Variants in EXOC2 observed in about 807,000 individuals in gnomAD.
The protein encoded by EXOC2 is SEC5-like 1.
Under a neutral mutation model 131.8 loss-of-function variants are expected in EXOC2, and 70 were observed. The ratio of observed to expected loss-of-function variants is 0.53; its 90% CI spans 0.44 to 0.65. The LOEUF (loss-of-function observed/expected upper bound fraction) is 0.65, where lower values mean the gene tolerates loss of function less well. Ranked by LOEUF, EXOC2 falls within the 30% of genes least tolerant of loss-of-function variation. The pLI is 0.00. For missense variants in EXOC2, 923 were observed against 1,108.6 expected, an observed-to-expected ratio of 0.83 and a Z score of 2.38; for synonymous variants, 411 against 398.4, an observed-to-expected ratio of 1.03 and a Z score of -0.38.
chr6:495,287 G>A (rs1043452078), intron 25 of EXOC2, among the ~76,000 whole-genome samples: 9 of 151,642 alleles, frequency 5.9e-5, no homozygotes, highest in Non-Finnish European at 7.4e-5. Context: ...CACCGCGCCC[G>A]GCTAATTTTT....
chr6:593,994 C>T (rs1397395622), intron 10 of EXOC2, among the ~76,000 whole-genome samples: 1 of 152,198 alleles, frequency 6.6e-6, no homozygotes. Flanking sequence ...CATCTGCAGA[C>T]GGGCCACACT....
At chr6:643,675 G>C (rs753216806) in intron 1 of EXOC2, among the ~76,000 whole-genome samples, 3 of 151,620 alleles carry the variant, frequency 2.0e-5, no homozygotes, top group South Asian at 2.1e-4. Context: ...GGCAGGAAAA[G>C]GAAGCAGAAT....
Position 532,622 on chromosome 6 carries a change from T to C in EXOC2, c.2239-12A>G, listed in dbSNP as rs1406168174. Reference sequence around the variant, plus strand: ...GAGGCCATGCTAACCTATAAACACATAATGAAGAGTATGAGTTGCCTATTT... The same window carrying C: ...GAGGCCATGCTAACCTATAAACACACAATGAAGAGTATGAGTTGCCTATTT... On this transcript the variant is annotated splice_polypyrimidine_tract_variant and intron_variant, in intron 22 of 27. Transcript: ENST00000230449. 2.0e-6 allele frequency: 3 copies of C among 1,503,854 alleles called. No individual in the cohort carries two copies. Among genetic ancestry groups the C allele is most frequent in the Middle Eastern group, 1.8e-4 (1 of 5,712 alleles). The allele number at this position is 1,503,854 out of a possible 1,614,324, so 93.2% of individuals were successfully genotyped here.
chr6:660,669 C>G (rs374725393), intron 1 of EXOC2, among the ~76,000 whole-genome samples: 53 of 152,162 alleles, frequency 3.5e-4, no homozygotes, highest in African/African-American at 1.2e-3. Context: ...AGCCCTAGAC[C>G]TTCCCTCTGA....
intron 1 of EXOC2, among the ~76,000 whole-genome samples, chr6:662,669 A>G (rs1276136056): frequency 1.3e-5 from 2 of 152,210 alleles, no homozygotes; most frequent in Non-Finnish European, 2.9e-5. Flanking sequence ...CCATGAGGAA[A>G]GTTCATAGCC....
At chr6:583,309 T>C (rs1251767970) in intron 11 of EXOC2, among the ~76,000 whole-genome samples, 2 of 152,198 alleles carry the variant, frequency 1.3e-5, no homozygotes, top group Non-Finnish European at 2.9e-5. Context: ...AGTTTAGACA[T>C]GAAATGACTT....
intron 23 of EXOC2, among the ~76,000 whole-genome samples, chr6:516,693 C>A (rs1031522533): frequency 1.3e-5 from 2 of 152,196 alleles, no homozygotes; most frequent in African/African-American, 4.8e-5. Flanking sequence ...GTAGCATCTA[C>A]GCAAGTATCT....
chr6:497,439 T>C lies in EXOC2; in HGVS notation c.2487A>G (p.Ile829Met), dbSNP rs898106928. 13 of 1,613,992 alleles carry C rather than the reference T, an allele frequency of 8.1e-6. No homozygotes were observed. Among genetic ancestry groups the C allele is most frequent in the African/African-American group, 1.3e-5 (1 of 74,950 alleles). Residue 829 changes from isoleucine (I) to methionine (M), a missense_variant, in exon 25 of 28, where the codon ATA becomes ATG. Transcript: ENST00000230449. Reference sequence around the variant, plus strand: ...GACTGAGCTCTTCAGAAACTGCTTCTATCACCTTGGATAGTACCCGAGGGA... The same window carrying C: ...GACTGAGCTCTTCAGAAACTGCTTCCATCACCTTGGATAGTACCCGAGGGA... ...ELVPRVLSKV[I>M]EAVSEELSRL...
At chr6:532,754 G>A (rs1766164294) in intron 22 of EXOC2, 144 bp from the exon 23 acceptor site, 1 of 750,600 alleles carries the variant, frequency 1.3e-6, no homozygotes, top group Non-Finnish European at 1.9e-6. Context: ...TATATTTTCA[G>A]TAACAAAGAT....
chr6:609,567 CA>C (rs1760609751), intron 7 of EXOC2, among the ~76,000 whole-genome samples: 2 of 152,190 alleles, frequency 1.3e-5, no homozygotes, highest in Admixed American at 1.3e-4. Flanking sequence ...TGCACATAGC[CA>C]TTTTCCCTGG....
intron 23 of EXOC2, among the ~76,000 whole-genome samples, chr6:500,735 T>C (rs1196921265): frequency 1.3e-5 from 2 of 152,194 alleles, no homozygotes; most frequent in East Asian, 1.9e-4. Flanking sequence ...TGAGAACATC[T>C]CCTCTATAGA....
intron 1 of EXOC2, among the ~76,000 whole-genome samples, chr6:671,134 A>G (rs750271738): frequency 6.6e-6 from 1 of 151,802 alleles, no homozygotes; most frequent in Admixed American, 6.6e-5. Flanking sequence ...AGGCAGGCAA[A>G]TCACTTGAGG....
At chr6:689,204 C>CT (rs1764803276) in intron 1 of EXOC2, 1 of 152,086 alleles carries the variant, frequency 6.6e-6, no homozygotes, top group Non-Finnish European at 1.5e-5. Flanking sequence ...TTATTGGCAC[C>CT]AAGATTTACT....
At chr6:525,391 T>A (rs1379188882) in intron 23 of EXOC2, 1 of 152,200 alleles carries the variant, frequency 6.6e-6, no homozygotes, top group African/African-American at 2.4e-5. Flanking sequence ...TGAGTGTTCT[T>A]GCAATGACTA....
At chr6:534,852 G>C (rs1159817914) in intron 22 of EXOC2, among the ~76,000 whole-genome samples, 5 of 152,146 alleles carry the variant, frequency 3.3e-5, no homozygotes, top group African/African-American at 7.2e-5. Context: ...AACCGAAATA[G>C]ATGATTAGAG....
chr6:583,379 G>T lies in EXOC2; in HGVS notation c.1193-6497C>A, dbSNP rs186525334. On this transcript the variant is annotated intron_variant, in intron 11 of 27. Transcript: ENST00000230449. Reference sequence around the variant, plus strand: ...AAGCCAGGGCAGTGGAAAAGAACCAGCTGCTACAATCACAAATTGACAAGG... The same window carrying T: ...AAGCCAGGGCAGTGGAAAAGAACCATCTGCTACAATCACAAATTGACAAGG... Among the ~76,000 whole-genome samples, 289 of 152,284 alleles carry T rather than the reference G, an allele frequency of 1.9e-3. 1 individual carries two copies. The highest frequency in any genetic ancestry group is 3.1e-3 in the South Asian group (15 of 4,824).
At chr6:556,639 A>G in intron 17 of EXOC2, 75 bp from the exon 18 acceptor site, 5 of 1,495,224 alleles carry the variant, frequency 3.3e-6, no homozygotes, top group Non-Finnish European at 3.7e-6. Flanking sequence ...ACAAGCGAAT[A>G]TGGCCCCAAG....
At chr6:540,268 A>C (rs1766733195) in intron 22 of EXOC2, among the ~76,000 whole-genome samples, 2 of 152,170 alleles carry the variant, frequency 1.3e-5, no homozygotes, top group Admixed American at 6.5e-5. Context: ...AATTTTTAAT[A>C]ATCAAGTTAG....
intron 23 of EXOC2, among the ~76,000 whole-genome samples, chr6:509,492 C>G (rs545248015): frequency 6.6e-6 from 1 of 152,288 alleles, no homozygotes; most frequent in East Asian, 1.9e-4. Context: ...CTAATATATG[C>G]TCCTCCTCAG....
Sources: allele counts gnomAD v4.1 joint callset (sites outside exome capture counted in the v4.1 genomes callset), GRCh38; gene constraint gnomAD v4.1.1; transcripts MANE v1.5; gene names NCBI Gene and HGNC (gene_info 2026-07-23, HGNC 2026-07-21).